The following CPA6 variants were observed in gnomAD, a reference collection of about 807,000 sequenced individuals.
CPA6 encodes carboxypeptidase A6.
CPA6 carries 58 observed loss-of-function variants against 63.3 expected under a neutral mutation model. That is an observed-to-expected ratio of 0.92 (90% confidence interval 0.74 to 1.14). CPA6 has a LOEUF of 1.14. Ranked by LOEUF, CPA6 falls within the 50% of genes most tolerant of loss-of-function variation. The pLI is 0.00. For synonymous variants in CPA6, 185 were observed against 179.0 expected (o/e 1.03, Z -0.27); for missense variants, 565 against 526.6 (o/e 1.07, Z -0.71).
intron 9 of CPA6, among the ~76,000 whole-genome samples, chr8:67,428,783 A>G (rs1809953694): frequency 6.6e-6 from 1 of 152,182 alleles, no homozygotes. Context: ...GCACCCGGCC[A>G]GGGATACCTA....
intron 2 of CPA6, among the ~76,000 whole-genome samples, chr8:67,567,664 T>C (rs191957362): frequency 8.9e-4 from 136 of 152,294 alleles, no homozygotes; most frequent in African/African-American, 3.1e-3. Flanking sequence ...GTGTGTTCCA[T>C]GGAATTGAAT....
intron 4 of CPA6, 94 bp from the exon 5 acceptor site, chr8:67,509,712 C>A: frequency 6.8e-6 from 4 of 591,902 alleles, no homozygotes; most frequent in Non-Finnish European, 1.2e-5. Flanking sequence ...AGTAGTTCTC[C>A]GAATTCAAGG....
intron 1 of CPA6, among the ~76,000 whole-genome samples, chr8:67,695,295 A>G (rs2128997875): frequency 6.6e-6 from 1 of 152,266 alleles, no homozygotes; most frequent in East Asian, 1.9e-4. Context: ...TGGCCTGACT[A>G]TAGCCATCAC....
chr8:67,469,946 C>A (rs949971083), intron 8 of CPA6, among the ~76,000 whole-genome samples: 12 of 152,162 alleles, frequency 7.9e-5, no homozygotes, highest in African/African-American at 2.9e-4. Context: ...GTCTCTGCTT[C>A]CCAAGTACCT....
intron 8 of CPA6, among the ~76,000 whole-genome samples, chr8:67,476,551 CTCTTT>C (rs894652128): frequency 5.6e-4 from 68 of 121,172 alleles, no homozygotes; most frequent in African/African-American, 2.8e-3. Flanking sequence ...CTCTCTCTCT[CTCTTT>C]TTTTTTTTTT....
intron 1 of CPA6, among the ~76,000 whole-genome samples, chr8:67,644,546 T>G (rs1255617315): frequency 6.6e-6 from 1 of 152,136 alleles, no homozygotes; most frequent in Admixed American, 6.5e-5. Flanking sequence ...AGAGGCAAAT[T>G]CCAGACTTTT....
intron 1 of CPA6, among the ~76,000 whole-genome samples, chr8:67,739,114 T>G (rs1478116092): frequency 6.6e-6 from 1 of 152,132 alleles, no homozygotes; most frequent in Non-Finnish European, 1.5e-5. Flanking sequence ...TCAAGGAGAG[T>G]GGAGCCCAGA....
chr8:67,624,693 G>T (rs1815158117), intron 1 of CPA6, among the ~76,000 whole-genome samples: 1 of 152,144 alleles, frequency 6.6e-6, no homozygotes, highest in Non-Finnish European at 1.5e-5. Context: ...AAAGCTTCTG[G>T]TTTGAATTCT....
intron 1 of CPA6, among the ~76,000 whole-genome samples, chr8:67,721,945 G>T (rs530732398): frequency 6.6e-6 from 1 of 152,082 alleles, no homozygotes; most frequent in Non-Finnish European, 1.5e-5. Context: ...ACCGAGTTTC[G>T]GCCAGTCAAT....
chr8:67,701,916 T>G (rs1817032530), intron 1 of CPA6, among the ~76,000 whole-genome samples: 1 of 152,132 alleles, frequency 6.6e-6, no homozygotes. Flanking sequence ...CTCCCAATCC[T>G]CATTTCCACC....
rs201299677 is a variant in CPA6, at chr8:67,476,553, C to T, written c.838+7215G>A. ...ACATTCCCAATCTCTCTCTCTCTCT[C>T]TTTTTTTTTTTTTGTCTATTTCATT... On this transcript the variant is annotated intron_variant, in intron 8 of 10. Coordinates refer to ENST00000297770, the MANE Select transcript of CPA6 (RefSeq NM_020361.5). 7.0e-3 allele frequency among the ~76,000 whole-genome samples: 995 copies of T among 141,962 alleles called. 8 individuals carry two copies. The highest frequency in any genetic ancestry group is 0.024 in the African/African-American group (898 of 38,132). The allele number at this position is 141,962 out of a possible 152,430, so 93.1% of individuals were successfully genotyped here.
chr8:67,724,955 T>A (rs1336945219), intron 1 of CPA6, among the ~76,000 whole-genome samples: 1 of 152,238 alleles, frequency 6.6e-6, no homozygotes. Flanking sequence ...TAGCATTCTG[T>A]GTTAACAAGT....
chr8:67,535,164 C>A (rs1454720587), intron 2 of CPA6, among the ~76,000 whole-genome samples: 2 of 152,192 alleles, frequency 1.3e-5, no homozygotes, highest in Non-Finnish European at 2.9e-5. Context: ...CTGCAATAAA[C>A]ATACGTGTGC....
At chr8:67,686,012 C>T (rs957523945) in intron 1 of CPA6, among the ~76,000 whole-genome samples, 5 of 152,164 alleles carry the variant, frequency 3.3e-5, no homozygotes, top group African/African-American at 4.8e-5. Context: ...CACTCACTGC[C>T]GCTTGATAAT....
At chr8:67,736,823 CT>C (rs1817821307) in intron 1 of CPA6, among the ~76,000 whole-genome samples, 1 of 152,198 alleles carries the variant, frequency 6.6e-6, no homozygotes, top group African/African-American at 2.4e-5. Flanking sequence ...AAGTGCTTAT[CT>C]TCTCTGCAAA....
intron 1 of CPA6, among the ~76,000 whole-genome samples, chr8:67,723,032 CAT>C (rs923726185): frequency 1.3e-5 from 2 of 152,054 alleles, no homozygotes; most frequent in African/African-American, 4.8e-5. Context: ...TAGAATCATA[CAT>C]ATTACTCTCA....
intron 2 of CPA6, among the ~76,000 whole-genome samples, chr8:67,593,733 G>T (rs936644643): frequency 3.3e-5 from 5 of 149,320 alleles, no homozygotes; most frequent in African/African-American, 5.0e-5. Context: ...TTTTCCATTT[G>T]CTTGGTAGAT....
chr8:67,687,691 A>G (rs1816734855), intron 1 of CPA6, among the ~76,000 whole-genome samples: 1 of 152,124 alleles, frequency 6.6e-6, no homozygotes, highest in African/African-American at 2.4e-5. Context: ...TCAGCGATTC[A>G]GTTTCTGGCT....
At chr8:67,455,927 T>A (rs1810667955) in intron 8 of CPA6, among the ~76,000 whole-genome samples, 1 of 151,990 alleles carries the variant, frequency 6.6e-6, no homozygotes, top group South Asian at 2.1e-4. Context: ...ATTATCTGAG[T>A]TGATCTTGAC....
Sources: allele counts gnomAD v4.1 joint callset (sites outside exome capture counted in the v4.1 genomes callset), GRCh38; gene constraint gnomAD v4.1.1; transcripts MANE v1.5; gene names NCBI Gene and HGNC (gene_info 2026-07-23, HGNC 2026-07-21).